Variants in UTP6 observed in about 807,000 individuals in gnomAD.
The protein encoded by UTP6 is U3 small nucleolar RNA-associated protein 6 homolog.
Under a neutral mutation model 96.5 loss-of-function variants are expected in UTP6, and 60 were observed. The ratio of observed to expected loss-of-function variants is 0.62; its 90% CI spans 0.51 to 0.77. The LOEUF (loss-of-function observed/expected upper bound fraction) is 0.77, where lower values mean the gene tolerates loss of function less well. UTP6 is among the 30% of genes least tolerant of loss of function. The probability of loss-of-function intolerance (pLI) is 0.00; values close to 1 mark genes in which losing one functional copy is unlikely to be tolerated. For missense variants in UTP6, 637 were observed against 706.5 expected, an observed-to-expected ratio of 0.90 and a Z score of 1.12; for synonymous variants, 215 against 240.1, an observed-to-expected ratio of 0.90 and a Z score of 0.96.
intron 6 of UTP6, among the ~76,000 whole-genome samples, chr17:31,890,766 G>A (rs143815423): frequency 2.0e-4 from 30 of 151,872 alleles, no homozygotes; most frequent in African/African-American, 5.8e-4. Context: ...TGCACAGATC[G>A]TTTGAGGCTG....
chr17:31,895,478 G>C (rs1456514877), intron 2 of UTP6, among the ~76,000 whole-genome samples: 1 of 152,116 alleles, frequency 6.6e-6, no homozygotes, highest in East Asian at 1.9e-4. Flanking sequence ...ATGATGTCTT[G>C]AATGCCTTTA....
chr17:31,892,406 C>A, intron 5 of UTP6, 83 bp from the exon 6 acceptor site: 1 of 1,370,210 alleles, frequency 7.3e-7, no homozygotes, highest in Non-Finnish European at 1.0e-6. Context: ...CCTAACTTTA[C>A]CAACTGTAAA....
Position 31,873,426 on chromosome 17 carries a change from CAATCCAG to C in UTP6, c.1441_1447del (p.Leu481GlyfsTer32). 1 of 1,614,142 alleles carries C rather than the reference CAATCCAG, an allele frequency of 6.2e-7. No individual in the cohort carries two copies. The highest frequency in any genetic ancestry group is 2.2e-5 in the East Asian group (1 of 44,886). On this transcript the variant is annotated frameshift_variant, in exon 16 of 19. Coordinates refer to ENST00000261708, the MANE Select transcript of UTP6 (RefSeq NM_018428.3). LOFTEE classifies it high-confidence loss of function. ...TTTGTAGCCACCACTTCGATAAGCC[CAATCCAG>C]GTACTTATTCTTCAGGGTTACTGAG...
chr17:31,861,849 G>C lies in UTP6; in HGVS notation c.*1510C>G, dbSNP rs992928549. On this transcript the variant is annotated 3_prime_UTR_variant, in exon 19 of 19. Coordinates refer to ENST00000261708, the MANE Select transcript of UTP6 (RefSeq NM_018428.3). ...ATTGCTTGAAAGAAGGAGCAAACCA[G>C]CAATACATATCAGTATTCTCTAAAA... is the stretch of plus-strand genomic sequence containing the variant. 2.6e-5 allele frequency: 4 copies of C among 152,158 alleles called. No homozygotes were observed. The highest frequency in any genetic ancestry group is 9.7e-5 in the African/African-American group (4 of 41,448). 9.4% of individuals were successfully genotyped at this position (152,158 alleles called of 1,614,324 possible). A position where few individuals can be genotyped will look rare whatever the true frequency, so the allele number is the denominator to read the frequency against.
chr17:31,892,607 G>T, intron 5 of UTP6, 140 bp downstream of exon 5: 2 of 929,386 alleles, frequency 2.2e-6, no homozygotes, highest in South Asian at 1.6e-5. Context: ...GATATCCAAT[G>T]TTATATTGAT....
At chr17:31,884,536 T>G in intron 9 of UTP6, 31 bp from the exon 10 acceptor site, 1 of 1,523,118 alleles carries the variant, frequency 6.6e-7, no homozygotes, top group Non-Finnish European at 9.1e-7. Flanking sequence ...AGGGGAAGTT[T>G]ATTGCCAATA....
intron 1 of UTP6, among the ~76,000 whole-genome samples, chr17:31,900,832 G>A (rs1199204796): frequency 6.6e-6 from 1 of 152,194 alleles, no homozygotes; most frequent in Non-Finnish European, 1.5e-5. Context: ...AGATGTGCAA[G>A]ACAGGTGTCT....
intron 8 of UTP6, among the ~76,000 whole-genome samples, chr17:31,886,312 CA>C (rs1394875383): frequency 6.6e-6 from 1 of 152,146 alleles, no homozygotes; most frequent in Non-Finnish European, 1.5e-5. Flanking sequence ...CCATTTGGAC[CA>C]AAACAGGTCA....
rs930871602 is a variant in UTP6 at position 31,861,668 on chromosome 17, G to A, written c.*1691C>T. The A allele has an allele frequency of 6.6e-6, 1 of 151,916 alleles. No homozygotes were observed. Among genetic ancestry groups the A allele is most frequent in the Non-Finnish European group, 1.5e-5 (1 of 67,992 alleles). The allele number at this position is 151,916 out of a possible 1,614,324, so 9.4% of individuals were successfully genotyped here. A position where few individuals can be genotyped will look rare whatever the true frequency, so the allele number is the denominator to read the frequency against. ...TAGTAAGAAAAAAAATTTTTAAATA[G>A]TCTAAGGATGTAAAAAGATGAGAAA... On this transcript the variant is annotated 3_prime_UTR_variant, in exon 19 of 19. Coordinates refer to ENST00000261708, the MANE Select transcript of UTP6 (RefSeq NM_018428.3).
chr17:31,892,325 T>C lies in UTP6; in HGVS notation c.361-2A>G. On this transcript the variant is annotated splice_acceptor_variant, in intron 5 of 18. Transcript: ENST00000261708. LOFTEE classifies it high-confidence loss of function. ...CTTGCTAAGTCGAGTTTTAGTAGCCTGTAAAAAAGGAAAATATTTCTACTT... is the reference window on the plus strand; with the variant it reads ...CTTGCTAAGTCGAGTTTTAGTAGCCCGTAAAAAAGGAAAATATTTCTACTT... The C allele has an allele frequency of 6.2e-7, 1 of 1,613,712 alleles. No homozygotes were observed. The highest frequency in any genetic ancestry group is 8.5e-7 in the Non-Finnish European group (1 of 1,179,732).
At chr17:31,864,949 G>A (rs566847654) in intron 18 of UTP6, among the ~76,000 whole-genome samples, 1 of 152,216 alleles carries the variant, frequency 6.6e-6, no homozygotes, top group East Asian at 1.9e-4. Context: ...GGAGGCAGAG[G>A]AAGGAAACAA....
Position 31,889,896 on chromosome 17 carries a change from A to C in UTP6, c.425-493T>G, listed in dbSNP as rs1387540101. ...GCTTGGCTACGTTATCTAAAATTAG[A>C]AACAGTATTCTGAAGCAAATGAGTA... is the stretch of plus-strand genomic sequence containing the variant. On this transcript the variant is annotated intron_variant, in intron 6 of 18. Transcript: ENST00000261708. Among the ~76,000 whole-genome samples, 3 of 152,308 alleles carry C rather than the reference A, an allele frequency of 2.0e-5. No homozygotes were observed. The East Asian group carries it at 5.8e-4, about 29-fold the overall frequency.
chr17:31,884,874 T>G (rs1007085365), intron 9 of UTP6: 9 of 163,700 alleles, frequency 5.5e-5, no homozygotes, highest in Non-Finnish European at 1.2e-4. Context: ...GACAACATGG[T>G]GAAACCTCAT....
chr17:31,867,964 C>CA (rs1459512024), intron 17 of UTP6, 82 bp downstream of exon 17: 17 of 1,462,574 alleles, frequency 1.2e-5, no homozygotes, highest in East Asian at 2.4e-5. Flanking sequence ...TCAAAAAAAA[C>CA]AAAAAAACAA....
chr17:31,864,748 G>A (rs113269532), intron 18 of UTP6, among the ~76,000 whole-genome samples: 8 of 151,516 alleles, frequency 5.3e-5, no homozygotes, highest in Non-Finnish European at 4.4e-5. Context: ...TCAGCCTGCT[G>A]TGTAGCTGGG....
intron 6 of UTP6, among the ~76,000 whole-genome samples, chr17:31,889,688 C>CG (rs1911367982): frequency 6.6e-6 from 1 of 151,652 alleles, no homozygotes; most frequent in Non-Finnish European, 1.5e-5. Context: ...TTAGTAGAGA[C>CG]GGGGTTTCAC....
At chr17:31,865,760 G>A (rs1031807657) in intron 17 of UTP6, among the ~76,000 whole-genome samples, 5 of 152,280 alleles carry the variant, frequency 3.3e-5, no homozygotes, top group South Asian at 2.1e-4. Flanking sequence ...AAGAAACAGC[G>A]AAGGTTCTAT....
chr17:31,870,048 A>G (rs1438386945), intron 16 of UTP6, among the ~76,000 whole-genome samples: 1 of 152,144 alleles, frequency 6.6e-6, no homozygotes. Flanking sequence ...GAGTATATTT[A>G]CCACATTGTT....
intron 13 of UTP6, among the ~76,000 whole-genome samples, chr17:31,876,134 T>C (rs1030597106): frequency 6.6e-6 from 1 of 151,672 alleles, no homozygotes; most frequent in African/African-American, 2.4e-5. Context: ...ACTCCTGGGT[T>C]CAAGCAATTC....
Sources: allele counts gnomAD v4.1 joint callset (sites outside exome capture counted in the v4.1 genomes callset), GRCh38; gene constraint gnomAD v4.1.1; transcripts MANE v1.5; gene names NCBI Gene and HGNC (gene_info 2026-07-23, HGNC 2026-07-21).